The following TCF7L2 variants were observed in gnomAD, a reference collection of about 807,000 sequenced individuals.
TCF7L2 encodes the protein transcription factor 7-like 2.
Under a neutral mutation model 77.9 loss-of-function variants are expected in TCF7L2, and 23 were observed. The observed-to-expected ratio is 0.30, with a 90% CI of 0.21 to 0.42. The LOEUF (loss-of-function observed/expected upper bound fraction) is 0.42, where lower values mean the gene tolerates loss of function less well. TCF7L2 is among the 10% of genes least tolerant of loss of function. The probability of loss-of-function intolerance (pLI) is 1.00; values close to 1 mark genes in which losing one functional copy is unlikely to be tolerated. For synonymous variants in TCF7L2, 413 were observed against 340.2 expected, an observed-to-expected ratio of 1.21 and a Z score of -2.36; for missense variants, 654 against 793.1, an observed-to-expected ratio of 0.82 and a Z score of 2.11.
At chr10:112,981,500 C>T (rs915123861) in intron 4 of TCF7L2, among the ~76,000 whole-genome samples, 4 of 152,090 alleles carry the variant, frequency 2.6e-5, no homozygotes, top group Admixed American at 6.6e-5. Context: ...TTGGTACCTC[C>T]GCCATCCTTA....
intron 11 of TCF7L2, among the ~76,000 whole-genome samples, chr10:113,155,802 GC>G (rs982002768): frequency 1.3e-5 from 2 of 152,240 alleles, no homozygotes; most frequent in African/African-American, 4.8e-5. Flanking sequence ...GTGGCACTTT[GC>G]CCCTCACGTG....
chr10:112,964,815 G>C (rs866094431), intron 4 of TCF7L2, among the ~76,000 whole-genome samples, 191 bp downstream of exon 4: 1 of 106,612 alleles, frequency 9.4e-6, no homozygotes, highest in Non-Finnish European at 2.0e-5. Flanking sequence ...GTGGTGGTGG[G>C]GGGGGGTTGA....
chr10:112,990,979 C>T (rs933125225), intron 4 of TCF7L2, among the ~76,000 whole-genome samples: 3 of 152,120 alleles, frequency 2.0e-5, no homozygotes, highest in Non-Finnish European at 4.4e-5. Context: ...CTCAGGACTG[C>T]CTCTCTCCCT....
chr10:113,127,554 TTTG>T (rs138923435), intron 5 of TCF7L2, among the ~76,000 whole-genome samples: 11,511 of 152,070 alleles, frequency 0.076, 1,448 homozygotes, highest in African/African-American at 0.26. Context: ...TCGTTTTTGT[TTTG>T]TTGTTGTTGT....
At chr10:113,143,773 A>G (rs2068794731) in intron 6 of TCF7L2, 150 bp from the exon 7 acceptor site, 3 of 603,482 alleles carry the variant, frequency 5.0e-6, no homozygotes, top group Middle Eastern at 2.7e-4. Context: ...GAAACCTACC[A>G]ACAACTCAGG....
chr10:113,068,896 A>G (rs527443764), intron 5 of TCF7L2, among the ~76,000 whole-genome samples: 5 of 149,574 alleles, frequency 3.3e-5, no homozygotes, highest in African/African-American at 9.9e-5. Context: ...TTGGCTCCCA[A>G]TTCTTTTTTT....
chr10:113,058,530 C>A (rs1051360729), intron 5 of TCF7L2, among the ~76,000 whole-genome samples: 3 of 152,038 alleles, frequency 2.0e-5, no homozygotes, highest in African/African-American at 7.3e-5. Flanking sequence ...TGTGATCCTC[C>A]GGGCAGCTCA....
At chr10:113,101,657 A>G (rs1056348453) in intron 5 of TCF7L2, among the ~76,000 whole-genome samples, 2 of 151,726 alleles carry the variant, frequency 1.3e-5, no homozygotes, top group African/African-American at 4.8e-5. Flanking sequence ...CCTGGCTAAC[A>G]CAGTGAAACT....
chr10:112,972,730 C>T (rs71483167), intron 4 of TCF7L2, among the ~76,000 whole-genome samples: 1,742 of 152,320 alleles, frequency 0.011, 15 homozygotes, highest in Non-Finnish European at 0.018. Context: ...CTTAGCCTCC[C>T]AAAGTGCTGG....
intron 8 of TCF7L2, among the ~76,000 whole-genome samples, chr10:113,149,348 ATTG>A (rs1021010703): frequency 1.1e-4 from 16 of 151,958 alleles, no homozygotes; most frequent in African/African-American, 3.1e-4. Flanking sequence ...AAGGACTTGT[ATTG>A]TTGTTATTTT....
intron 3 of TCF7L2, among the ~76,000 whole-genome samples, chr10:112,955,796 G>C (rs780275640): frequency 2.2e-4 from 33 of 152,286 alleles, no homozygotes; most frequent in Non-Finnish European, 3.4e-4. Context: ...CAAGAATGCT[G>C]TTCTGTTTGC....
chr10:113,010,093 G>C (rs1277660463), intron 4 of TCF7L2, among the ~76,000 whole-genome samples: 1 of 151,892 alleles, frequency 6.6e-6, no homozygotes, highest in Non-Finnish European at 1.5e-5. Flanking sequence ...GGGGCTTTGG[G>C]AACTTTGAGT....
At chr10:113,027,790 C>G (rs2049460442) in intron 4 of TCF7L2, among the ~76,000 whole-genome samples, 1 of 152,138 alleles carries the variant, frequency 6.6e-6, no homozygotes, top group Non-Finnish European at 1.5e-5. Context: ...CCCCCTCACC[C>G]TATTCAACCC....
chr10:113,157,603 C>G (rs912433464), intron 11 of TCF7L2, among the ~76,000 whole-genome samples: 1 of 152,232 alleles, frequency 6.6e-6, no homozygotes, highest in Non-Finnish European at 1.5e-5. Context: ...GCCCTTGAAG[C>G]TGGTGCGGCC....
intron 5 of TCF7L2, among the ~76,000 whole-genome samples, chr10:113,124,262 C>T (rs1451854180): frequency 6.6e-6 from 1 of 152,130 alleles, no homozygotes; most frequent in Non-Finnish European, 1.5e-5. Flanking sequence ...CATCGAAGGT[C>T]AGATTCACAC....
At chr10:113,157,338 G>C (rs758899061) in intron 11 of TCF7L2, among the ~76,000 whole-genome samples, 1 of 152,146 alleles carries the variant, frequency 6.6e-6, no homozygotes, top group Non-Finnish European at 1.5e-5. Flanking sequence ...GGCTGGTCTT[G>C]AACTCCTGAC....
chr10:112,977,388 A>C (rs554072939), intron 4 of TCF7L2, among the ~76,000 whole-genome samples: 19 of 152,358 alleles, frequency 1.2e-4, no homozygotes, highest in African/African-American at 4.6e-4. Context: ...TTGAAATTGA[A>C]GAATTGTGAA....
At chr10:112,988,927 CAG>C (rs1464877089) in intron 4 of TCF7L2, among the ~76,000 whole-genome samples, 2 of 152,016 alleles carry the variant, frequency 1.3e-5, no homozygotes, top group Admixed American at 1.3e-4. Flanking sequence ...GATAAGAAAA[CAG>C]AATTTCAAAG....
chr10:113,118,654 G>GTT (rs56402955), intron 5 of TCF7L2, among the ~76,000 whole-genome samples: 2 of 127,976 alleles, frequency 1.6e-5, no homozygotes, highest in East Asian at 8.4e-4. Flanking sequence ...TTTTTTTTTT[G>GTT]TTTTTTTTTG....
Sources: gnomAD v4.1 joint callset for allele counts (sites outside exome capture counted in the v4.1 genomes callset) on GRCh38, gnomAD v4.1.1 for gene constraint, MANE v1.5 for transcripts, NCBI Gene and HGNC (gene_info 2026-07-23, HGNC 2026-07-21) for gene names.